Variants in DHX29 observed in about 807,000 individuals in gnomAD.
DHX29 encodes DExH-box helicase 29, also known as ATP-dependent RNA helicase DHX29.
DHX29 carries 79 observed loss-of-function variants against 167.9 expected under a neutral mutation model. The ratio of observed to expected loss-of-function variants is 0.47; its 90% confidence interval spans 0.39 to 0.57. The LOEUF (loss-of-function observed/expected upper bound fraction) is 0.57. DHX29 is among the 20% of genes least tolerant of loss of function. The pLI is 0.00. For synonymous variants in DHX29, 530 were observed against 546.0 expected (o/e 0.97, Z 0.41); for missense variants, 1,347 against 1,593.4 (o/e 0.85, Z 2.63).
chr5:55,259,499 G>A (rs1161969104), intron 26 of DHX29, among the ~76,000 whole-genome samples: 1 of 152,130 alleles, frequency 6.6e-6, no homozygotes, highest in South Asian at 2.1e-4. Flanking sequence ...TTGTCGCCCA[G>A]GCTGGAGTGC....
intron 7 of DHX29, among the ~76,000 whole-genome samples, chr5:55,289,660 T>C (rs945722279): frequency 3.3e-5 from 5 of 152,216 alleles, no homozygotes; most frequent in African/African-American, 1.2e-4. Flanking sequence ...TTTCACAACA[T>C]ATACAAAAAT....
chr5:55,293,821 G>A (rs1285180016), intron 6 of DHX29, among the ~76,000 whole-genome samples, 196 bp downstream of exon 6: 2 of 152,122 alleles, frequency 1.3e-5, no homozygotes. Flanking sequence ...CTTTAAATAT[G>A]AGAAATGTTA....
At chr5:55,268,655 T>TATTTAA (rs1308998718) in intron 21 of DHX29, among the ~76,000 whole-genome samples, 1 of 152,110 alleles carries the variant, frequency 6.6e-6, no homozygotes, top group Non-Finnish European at 1.5e-5. Flanking sequence ...TTCCATTCTG[T>TATTTAA]ATTTAAATAG....
chr5:55,290,014 A>G (rs982354821), intron 7 of DHX29, among the ~76,000 whole-genome samples: 7 of 152,236 alleles, frequency 4.6e-5, no homozygotes, highest in Admixed American at 1.3e-4. Flanking sequence ...GTGCTGTAAC[A>G]GCAAATTTGA....
intron 11 of DHX29, 94 bp from the exon 12 acceptor site, chr5:55,281,609 A>T (rs1747417420): frequency 1.2e-6 from 1 of 852,080 alleles, no homozygotes; most frequent in African/African-American, 1.7e-5. Flanking sequence ...TCTTGCTGTT[A>T]AATGGAGCAT....
chr5:55,290,441 T>A, intron 6 of DHX29, 97 bp from the exon 7 acceptor site: 1 of 1,368,616 alleles, frequency 7.3e-7, no homozygotes, highest in Admixed American at 2.7e-5. Flanking sequence ...GTGATATTTT[T>A]ACCTTATCCT....
At chr5:55,275,072 A>C (rs1030518963) in intron 14 of DHX29, 62 bp from the exon 15 acceptor site, 5 of 1,557,100 alleles carry the variant, frequency 3.2e-6, no homozygotes, top group Non-Finnish European at 3.5e-6. Context: ...TAAGACAAAG[A>C]AGGAAAAAAG....
intron 8 of DHX29, among the ~76,000 whole-genome samples, chr5:55,288,182 G>A (rs879295465): frequency 4.6e-5 from 7 of 151,978 alleles, no homozygotes; most frequent in Non-Finnish European, 7.4e-5. Flanking sequence ...GATGGAGGTT[G>A]CAGTGAGCTG....
chr5:55,302,083 C>G (rs1382081344), intron 1 of DHX29, among the ~76,000 whole-genome samples: 1 of 152,148 alleles, frequency 6.6e-6, no homozygotes, highest in Non-Finnish European at 1.5e-5. Flanking sequence ...AAGATAATAA[C>G]AAGTCTGGTA....
intron 12 of DHX29, among the ~76,000 whole-genome samples, chr5:55,280,226 G>T (rs1031519709): frequency 1.3e-5 from 2 of 152,070 alleles, no homozygotes; most frequent in African/African-American, 4.8e-5. Context: ...CATCACAGTG[G>T]AGCTCAATTC....
intron 3 of DHX29, among the ~76,000 whole-genome samples, chr5:55,296,754 C>A (rs1748343970): frequency 6.6e-6 from 1 of 152,212 alleles, no homozygotes; most frequent in East Asian, 1.9e-4. Context: ...TTATATTTTT[C>A]TATGGCTGAA....
chr5:55,259,409 T>C (rs1398766984), intron 26 of DHX29, among the ~76,000 whole-genome samples: 1 of 152,050 alleles, frequency 6.6e-6, no homozygotes, highest in Non-Finnish European at 1.5e-5. Flanking sequence ...ACTCCAATGT[T>C]ACAAAAAAAA....
chr5:55,271,481 A>G (rs919116420), intron 18 of DHX29, among the ~76,000 whole-genome samples: 2 of 152,160 alleles, frequency 1.3e-5, no homozygotes, highest in Non-Finnish European at 2.9e-5. Context: ...AAATACAAAA[A>G]CATTAGCCGA....
chr5:55,267,578 T>C, intron 22 of DHX29, 108 bp downstream of exon 22: 1 of 1,013,878 alleles, frequency 9.9e-7, no homozygotes, highest in Non-Finnish European at 1.4e-6. Flanking sequence ...TAACTAAAAA[T>C]AAATTTAAAC....
At chr5:55,286,050 C>G (rs1330682804) in intron 8 of DHX29, among the ~76,000 whole-genome samples, 189 bp from the exon 9 acceptor site, 1 of 151,952 alleles carries the variant, frequency 6.6e-6, no homozygotes, top group Non-Finnish European at 1.5e-5. Flanking sequence ...GTCAGGAGAT[C>G]GAGACCATCC....
intron 8 of DHX29, among the ~76,000 whole-genome samples, chr5:55,287,315 C>T (rs1399967571): frequency 2.6e-5 from 4 of 152,034 alleles, no homozygotes. Context: ...CAGGCATGCA[C>T]CTGTAATCCC....
intron 7 of DHX29, among the ~76,000 whole-genome samples, 185 bp from the exon 8 acceptor site, chr5:55,289,613 T>G (rs928139014): frequency 6.6e-6 from 1 of 152,148 alleles, no homozygotes; most frequent in South Asian, 2.1e-4. Context: ...TAATTCCTGT[T>G]AGGAATCTGT....
At position 55,261,387 on chromosome 5, in the gene DHX29, T is replaced by A; in HGVS notation, c.3941A>T (p.Asp1314Val). The part of the protein sequence containing the change: ...VQHRERLLSI[D>V]GWIYFQAPVK... ...ATGTACCTGAAAATAGATCCAGCCA[T>A]CAATAGAAAGAAGACGTTCTCGGTG... is the stretch of plus-strand genomic sequence containing the variant. Residue 1314 changes from aspartate (D) to valine (V), a missense_variant, in exon 25 of 27, where the codon GAT becomes GTT. This residue lies in a region of DHX29 where 882 missense variants were observed against 1,082.4 expected (regional missense o/e 0.81). Transcript: ENST00000251636. 6.3e-7 allele frequency: 1 copy of A among 1,582,360 alleles called. No homozygotes were observed. The highest frequency in any genetic ancestry group is 8.7e-7 in the Non-Finnish European group (1 of 1,155,628).
intron 12 of DHX29, among the ~76,000 whole-genome samples, 197 bp from the exon 13 acceptor site, chr5:55,277,479 T>C (rs769708550): frequency 2.0e-5 from 3 of 152,016 alleles, no homozygotes; most frequent in African/African-American, 4.8e-5. Context: ...TTCTCTAAAA[T>C]TGGAAGTCAC....
Sources: allele counts gnomAD v4.1 joint callset (sites outside exome capture counted in the v4.1 genomes callset), GRCh38; gene constraint gnomAD v4.1.1; regional missense constraint gnomAD v4.1.1; transcripts MANE v1.5; gene names NCBI Gene and HGNC (gene_info 2026-07-23, HGNC 2026-07-21).